Variants in GBP6 observed in about 807,000 individuals in gnomAD.
GBP6 encodes the protein guanylate binding protein family member 6.
A neutral mutation model predicts 61.5 loss-of-function variants in GBP6; 54 were observed. The observed-to-expected ratio is 0.88, with a 90% CI of 0.71 to 1.10. GBP6 has a LOEUF of 1.10. GBP6 is among the 50% of genes least tolerant of loss of function. The pLI is 0.00. For synonymous variants in GBP6, 255 were observed against 273.7 expected (o/e 0.93, Z 0.67); for missense variants, 748 against 752.8 (o/e 0.99, Z 0.07).
At chr1:89,367,262 A>G (rs759952703) in intron 1 of GBP6, among the ~76,000 whole-genome samples, 3 of 152,208 alleles carry the variant, frequency 2.0e-5, no homozygotes, top group Non-Finnish European at 4.4e-5. Context: ...ACCAGTTTGC[A>G]TTCCATGAAC....
At chr1:89,368,921 C>T (rs1218047020) in intron 2 of GBP6, among the ~76,000 whole-genome samples, 180 bp downstream of exon 2, 1 of 152,122 alleles carries the variant, frequency 6.6e-6, no homozygotes, top group East Asian at 1.9e-4. Context: ...TATTTTTTCC[C>T]TCATTCCCAT....
intron 3 of GBP6, among the ~76,000 whole-genome samples, chr1:89,372,580 A>G (rs914907698): frequency 6.6e-6 from 1 of 152,208 alleles, no homozygotes; most frequent in Non-Finnish European, 1.5e-5. Flanking sequence ...TCCCTATTTG[A>G]TAAATGGTGC....
chr1:89,381,031 T>G (rs994110495), intron 6 of GBP6, among the ~76,000 whole-genome samples: 5 of 152,072 alleles, frequency 3.3e-5, no homozygotes, highest in African/African-American at 1.2e-4. Context: ...ACACCTGTAA[T>G]CCCAGTACTT....
In GBP6 at chr1:89,378,460, C is replaced by T. The variant is rs372976582; in HGVS notation, c.472C>T (p.Pro158Ser). ...LTELIKAKSS[P>S]RPDGVEDSTE... Reference sequence around the variant, plus strand: ...AGAACTAATTAAGGCAAAGTCCTCCCCAAGGCCTGATGGAGTAGAAGATTC... The same window carrying T: ...AGAACTAATTAAGGCAAAGTCCTCCTCAAGGCCTGATGGAGTAGAAGATTC... Residue 158 changes from proline (P) to serine (S), a missense_variant, in exon 5 of 11, where the codon CCA (proline) becomes TCA (serine). Coordinates refer to ENST00000370456, the MANE Select transcript of GBP6 (RefSeq NM_198460.3). 5 of 1,614,108 alleles carry T rather than the reference C, an allele frequency of 3.1e-6. No homozygotes were observed. Among genetic ancestry groups the T allele is most frequent in the Non-Finnish European group, 3.4e-6 (4 of 1,179,996 alleles).
At position 89,382,804 on chromosome 1, in the gene GBP6, GCA is replaced by G. The variant is rs1653018168; in HGVS notation, c.1296_1297del (p.His432GlnfsTer11). 3 of 1,614,058 alleles carry G rather than the reference GCA, an allele frequency of 1.9e-6. No individual in the cohort carries two copies. The highest frequency in any genetic ancestry group is 1.3e-5 in the African/African-American group (1 of 75,032). Reference protein sequence around the residue: ...SAGSFSVPGGHKLYMETKERI... With the variant: ...SAGSFSVPGGXKLYMETKERI... ...CAGGAAGTTTCTCTGTTCCTGGAGG[GCA>G]CAAGCTCTACATGGAAACAAAGGAA... On this transcript the variant is annotated frameshift_variant, in exon 8 of 11. Coordinates refer to ENST00000370456, the MANE Select transcript of GBP6 (RefSeq NM_198460.3). LOFTEE classifies it high-confidence loss of function.
At chr1:89,378,253 G>A in intron 4 of GBP6, 41 bp downstream of exon 4, 2 of 1,579,728 alleles carry the variant, frequency 1.3e-6, no homozygotes, top group Non-Finnish European at 1.7e-6. Flanking sequence ...AGGTTTCATT[G>A]ACTTTATAGG....
chr1:89,382,611 T>A, intron 7 of GBP6, 53 bp from the exon 8 acceptor site: 1 of 1,458,344 alleles, frequency 6.9e-7, no homozygotes, highest in Non-Finnish European at 9.6e-7. Context: ...TTCTTTAGAA[T>A]TTCATCTCCT....
In GBP6 at chr1:89,385,637, G is replaced by A; in HGVS notation, c.*168G>A. On this transcript the variant is annotated 3_prime_UTR_variant, in exon 11 of 11. Coordinates refer to ENST00000370456, the MANE Select transcript of GBP6 (RefSeq NM_198460.3). ...CAACCTCTGCCTCCTGGGTTCAAGAGATTCACCTGCCTCAGCCCCCTAGTA... is the reference window on the plus strand; with the variant it reads ...CAACCTCTGCCTCCTGGGTTCAAGAAATTCACCTGCCTCAGCCCCCTAGTA... The A allele has an allele frequency of 1.6e-6, 1 of 606,260 alleles. No homozygotes were observed. Among genetic ancestry groups the A allele is most frequent in the Non-Finnish European group, 2.8e-6 (1 of 357,344 alleles). 37.6% of individuals were successfully genotyped at this position (606,260 alleles called of 1,614,324 possible). A position where few individuals can be genotyped will look rare whatever the true frequency, so the allele number is the denominator to read the frequency against.
intron 9 of GBP6, 37 bp downstream of exon 9, chr1:89,383,791 G>A (rs928653): frequency 0.89 from 1,276,092 of 1,440,832 alleles, 565,706 homozygotes; most frequent in Admixed American, 0.91. Flanking sequence ...GGAGGGGTAC[G>A]TTTATACAAT....
chr1:89,379,352 G>C (rs1022945609), intron 5 of GBP6, among the ~76,000 whole-genome samples: 6 of 152,048 alleles, frequency 3.9e-5, no homozygotes, highest in African/African-American at 7.2e-5. Flanking sequence ...ACATTGGGGG[G>C]GGGGGGTCAT....
intron 1 of GBP6, among the ~76,000 whole-genome samples, chr1:89,365,980 C>G (rs991894032): frequency 6.6e-6 from 1 of 152,048 alleles, no homozygotes; most frequent in African/African-American, 2.4e-5. Flanking sequence ...CATAGAAAAC[C>G]ATTTTAATAT....
intron 3 of GBP6, among the ~76,000 whole-genome samples, chr1:89,370,005 T>G (rs1652578903): frequency 6.6e-6 from 1 of 152,198 alleles, no homozygotes. Context: ...GTAGTGTGAC[T>G]GGGAAAGAAG....
chr1:89,378,680 A>G, intron 5 of GBP6, 67 bp downstream of exon 5: 5 of 1,229,954 alleles, frequency 4.1e-6, no homozygotes, highest in South Asian at 2.9e-5. Flanking sequence ...ACTGCCCATC[A>G]TCTCTGGGGT....
In GBP6 at chr1:89,380,528, A is replaced by G; in HGVS notation, c.768A>G (p.Gln256=). The part of the protein sequence containing the change: ...LANIEKVSEK[Q]LDPKFQEQTN... ...ATATTGAGAAGGTGTCAGAAAAGCA[A>G]CTGGATCCCAAATTCCAGGAACAAA... The change falls in exon 6 of 11, where the codon CAA becomes CAG. Residue 256 remains glutamine (Q), a synonymous_variant. Coordinates refer to ENST00000370456, the MANE Select transcript of GBP6 (RefSeq NM_198460.3). 6.2e-7 allele frequency: 1 copy of G among 1,614,152 alleles called. No individual in the cohort carries two copies. The highest frequency in any genetic ancestry group is 8.5e-7 in the Non-Finnish European group (1 of 1,180,022).
chr1:89,372,001 G>A (rs1272199883), intron 3 of GBP6, among the ~76,000 whole-genome samples: 1 of 151,990 alleles, frequency 6.6e-6, no homozygotes, highest in Non-Finnish European at 1.5e-5. Context: ...AAAATCACAA[G>A]CATTCTTACA....
rs547764619 is a variant in GBP6, at chr1:89,367,238, T to C, written c.-23-1291T>C. 3.3e-5 allele frequency among the ~76,000 whole-genome samples: 5 copies of C among 152,322 alleles called. No individual in the cohort carries two copies. In the South Asian group the frequency reaches 1.0e-3, roughly 32 times the overall value. On this transcript the variant is annotated intron_variant, in intron 1 of 10. Coordinates refer to ENST00000370456, the MANE Select transcript of GBP6 (RefSeq NM_198460.3). ...TTTTCCAAGGGACCATCATACTGTT[T>C]TCATAGTGACAGTACCAGTTTGCAT...
At chr1:89,373,315 G>T (rs1652698621) in intron 3 of GBP6, among the ~76,000 whole-genome samples, 1 of 152,136 alleles carries the variant, frequency 6.6e-6, no homozygotes, top group South Asian at 2.1e-4. Context: ...TCATTACTGG[G>T]TATATACCCA....
chr1:89,383,785 G>GTAC, intron 9 of GBP6, 31 bp downstream of exon 9: 1 of 1,495,898 alleles, frequency 6.7e-7, no homozygotes, highest in Non-Finnish European at 9.2e-7. Context: ...TACACAGGAG[G>GTAC]GGTACGTTTA....
chr1:89,378,802 G>A (rs1652880213), intron 5 of GBP6, among the ~76,000 whole-genome samples, 189 bp downstream of exon 5: 1 of 152,180 alleles, frequency 6.6e-6, no homozygotes, highest in Admixed American at 6.5e-5. Flanking sequence ...AGTCTAAAGT[G>A]CAGATAAATT....
Sources: gnomAD v4.1 joint callset for allele counts (sites outside exome capture counted in the v4.1 genomes callset) on GRCh38, gnomAD v4.1.1 for gene constraint, MANE v1.5 for transcripts, NCBI Gene and HGNC (gene_info 2026-07-23, HGNC 2026-07-21) for gene names.